Variants in MBD5 observed in about 807,000 individuals in gnomAD.
MBD5 encodes the protein methyl-CpG-binding domain protein 5.
Under a neutral mutation model 117.3 loss-of-function variants are expected in MBD5, and 13 were observed. That is an observed-to-expected ratio of 0.11 (90% CI 0.07 to 0.18). MBD5 has a LOEUF of 0.18. Among genes scored for constraint, MBD5 ranks in the 10% least tolerant of loss-of-function variants. The pLI, the probability that MBD5 is intolerant of heterozygous loss-of-function variation, is 1.00. For missense variants in MBD5, 1,879 were observed against 2,093.8 expected (o/e 0.90, Z 2.00); for synonymous variants, 727 against 766.4 (o/e 0.95, Z 0.85).
In MBD5 at chr2:148,514,357, G is replaced by A. The variant is rs745426575; in HGVS notation, c.*1416G>A. 6 of 152,108 alleles carry A rather than the reference G, an allele frequency of 3.9e-5. No homozygotes were observed. Among genetic ancestry groups the A allele is most frequent in the Non-Finnish European group, 5.9e-5 (4 of 68,022 alleles). 9.4% of individuals were successfully genotyped at this position (152,108 alleles called of 1,614,324 possible). On this transcript the variant is annotated 3_prime_UTR_variant, in exon 14 of 14. Transcript: ENST00000642680. ...GAAATGTAGCACAACATAATTTTCC[G>A]TCTTCTTCTCACAATTTTTGTGGTG... is the stretch of plus-strand genomic sequence containing the variant.
intron 12 of MBD5, among the ~76,000 whole-genome samples, chr2:148,503,556 A>G (rs915800463): frequency 2.0e-5 from 3 of 152,202 alleles, no homozygotes; most frequent in Non-Finnish European, 2.9e-5. Flanking sequence ...AAGTCAACAA[A>G]TCTTAGGAAG....
intron 2 of MBD5, among the ~76,000 whole-genome samples, chr2:148,200,977 G>A (rs943151777): frequency 1.4e-4 from 22 of 152,128 alleles, no homozygotes; most frequent in Admixed American, 1.4e-3. Flanking sequence ...TAAAAATAAA[G>A]CAAAGTTGTG....
At chr2:148,299,993 T>C (rs1701743842) in intron 3 of MBD5, among the ~76,000 whole-genome samples, 1 of 152,192 alleles carries the variant, frequency 6.6e-6, no homozygotes, top group Admixed American at 6.5e-5. Flanking sequence ...TCACAGAATA[T>C]CCTAATAGTA....
rs560907821 is a variant in MBD5, at chr2:148,246,203, C to G, written c.-680+12808C>G. On this transcript the variant is annotated intron_variant, in intron 3 of 13. Coordinates refer to ENST00000642680, the MANE Select transcript of MBD5 (RefSeq NM_001378120.1). ...AGGAATATACTCTAAAAAACATTAACTGACTTGCCCAAGGACTTTCAAGTT... is the reference window on the plus strand; with the variant it reads ...AGGAATATACTCTAAAAAACATTAAGTGACTTGCCCAAGGACTTTCAAGTT... Among the ~76,000 whole-genome samples, 17 of 152,242 alleles carry G rather than the reference C, an allele frequency of 1.1e-4. 1 individual carries two copies. The highest frequency in any genetic ancestry group is 1.1e-3 in the Admixed American group (17 of 15,284).
rs577946907 is a variant in MBD5, at chr2:148,406,761, G to C, written c.-556-51442G>C. ...AACATACCTACCCAGCTTTTGTCCA[G>C]CTCCGTAGTTTTTCGCATCCTGTTT... On this transcript the variant is annotated intron_variant, in intron 4 of 13. Transcript: ENST00000642680. Among the ~76,000 whole-genome samples the C allele has an allele frequency of 5.9e-5, 9 of 152,110 alleles. No individual in the cohort carries two copies. The South Asian group carries it at 1.9e-3, about 32-fold the overall frequency.
intron 3 of MBD5, among the ~76,000 whole-genome samples, chr2:148,274,717 G>GTTTTT (rs199569391): frequency 1.8e-5 from 2 of 109,852 alleles, no homozygotes; most frequent in African/African-American, 3.2e-5. Flanking sequence ...AATTAATTGA[G>GTTTTT]TTTTTTTGTT....
chr2:148,041,177 G>A (rs1164848156), intron 1 of MBD5: 1 of 152,178 alleles, frequency 6.6e-6, no homozygotes, highest in African/African-American at 2.4e-5. Flanking sequence ...GATCCCCTGT[G>A]TTAACATTTT....
chr2:148,272,612 C>T (rs557916632), intron 3 of MBD5, among the ~76,000 whole-genome samples: 25 of 152,106 alleles, frequency 1.6e-4, no homozygotes, highest in African/African-American at 3.9e-4. Context: ...AGGTCCTTTG[C>T]GCACTTTTTA....
intron 4 of MBD5, among the ~76,000 whole-genome samples, chr2:148,437,056 C>T (rs1231981018): frequency 6.6e-6 from 1 of 152,052 alleles, no homozygotes; most frequent in Non-Finnish European, 1.5e-5. Context: ...GATCTCGGCT[C>T]ACTGCAACCT....
At chr2:148,306,586 A>G (rs1198736824) in intron 3 of MBD5, among the ~76,000 whole-genome samples, 1 of 152,238 alleles carries the variant, frequency 6.6e-6, no homozygotes, top group African/African-American at 2.4e-5. Flanking sequence ...ATAATCTGTA[A>G]GATTGCTCTA....
At chr2:148,242,375 C>CAT (rs1273657595) in intron 3 of MBD5, among the ~76,000 whole-genome samples, 24 of 118,388 alleles carry the variant, frequency 2.0e-4, no homozygotes, top group African/African-American at 5.1e-4. Flanking sequence ...ATATTACACA[C>CAT]ACATATATAT....
rs182079177 is a variant in MBD5, at chr2:148,363,393, C to T, written c.-557+21057C>T. Among the ~76,000 whole-genome samples the T allele has an allele frequency of 2.4e-3, 372 of 152,098 alleles. 3 individuals are homozygous for T. Among genetic ancestry groups the T allele is most frequent in the Admixed American group, 0.011 (161 of 15,258 alleles). ...GACTACAGGCGCCCGCCACCACGCC[C>T]GGCTAATTTTTTTGTATTTTTTGTA... On this transcript the variant is annotated intron_variant, in intron 4 of 13. Coordinates refer to ENST00000642680, the MANE Select transcript of MBD5 (RefSeq NM_001378120.1).
At chr2:148,062,277 T>G (rs1695057572) in intron 1 of MBD5, 1 of 151,772 alleles carries the variant, frequency 6.6e-6, no homozygotes, top group Non-Finnish European at 1.5e-5. Context: ...AGTTTGACAG[T>G]AATCCCTAGA....
At chr2:148,317,750 A>G (rs1574278543) in intron 3 of MBD5, among the ~76,000 whole-genome samples, 1 of 152,058 alleles carries the variant, frequency 6.6e-6, no homozygotes, top group East Asian at 1.9e-4. Context: ...AGCTGTAATG[A>G]CCTCCAGTTC....
chr2:148,402,025 G>T (rs933202381), intron 4 of MBD5, among the ~76,000 whole-genome samples: 1 of 151,628 alleles, frequency 6.6e-6, no homozygotes, highest in Non-Finnish European at 1.5e-5. Context: ...TCCCGTTCTC[G>T]GTGCTTTATA....
At chr2:148,463,282 A>C (rs1707152738) in intron 6 of MBD5, among the ~76,000 whole-genome samples, 1 of 152,222 alleles carries the variant, frequency 6.6e-6, no homozygotes. Context: ...AGATTAACAT[A>C]ATAAATAAAT....
chr2:148,046,419 G>A (rs1694535876), intron 1 of MBD5, among the ~76,000 whole-genome samples: 1 of 152,126 alleles, frequency 6.6e-6, no homozygotes, highest in South Asian at 2.1e-4. Context: ...AGACTGAGTG[G>A]TTAGCAGTAT....
chr2:148,220,266 T>C (rs1699653055), intron 2 of MBD5, among the ~76,000 whole-genome samples: 1 of 152,188 alleles, frequency 6.6e-6, no homozygotes, highest in South Asian at 2.1e-4. Flanking sequence ...GAGAGATGAC[T>C]GTAGGACAAG....
chr2:148,219,158 T>C (rs1388928433), intron 2 of MBD5, among the ~76,000 whole-genome samples: 1 of 152,216 alleles, frequency 6.6e-6, no homozygotes, highest in Non-Finnish European at 1.5e-5. Flanking sequence ...ATTTTTTTCT[T>C]TTTAAACTTT....
Sources: gnomAD v4.1 joint callset for allele counts (sites outside exome capture counted in the v4.1 genomes callset) on GRCh38, gnomAD v4.1.1 for gene constraint, MANE v1.5 for transcripts, NCBI Gene and HGNC (gene_info 2026-07-23, HGNC 2026-07-21) for gene names.